The following ARL13B variants were observed in gnomAD, a reference collection of about 807,000 sequenced individuals.
ARL13B encodes ARF like GTPase 13B.
In ARL13B, 36 loss-of-function variants were observed where a neutral mutation model predicts 56.1. The observed-to-expected ratio is 0.64, with a 90% CI of 0.49 to 0.85. ARL13B has a LOEUF of 0.85. Among genes scored for constraint, ARL13B ranks in the 40% least tolerant of loss-of-function variants. ARL13B has a pLI of 0.00. For missense variants in ARL13B, 519 were observed against 507.1 expected, an observed-to-expected ratio of 1.02 and a Z score of -0.23; for synonymous variants, 178 against 171.1, an observed-to-expected ratio of 1.04 and a Z score of -0.32.
chr3:94,016,230 G>C (rs1404804169), intron 3 of ARL13B, among the ~76,000 whole-genome samples: 2 of 152,040 alleles, frequency 1.3e-5, no homozygotes, highest in Non-Finnish European at 2.9e-5. Context: ...CATTTTTGAA[G>C]ATAAGAAGAG....
intron 3 of ARL13B, among the ~76,000 whole-genome samples, chr3:94,011,811 A>G (rs772620806): frequency 2.0e-5 from 3 of 152,072 alleles, no homozygotes; most frequent in African/African-American, 7.2e-5. Flanking sequence ...TACTTTTTAT[A>G]GTACCTTATT....
rs750380372 is a variant in ARL13B at position 94,003,924 on chromosome 3, A to G, written c.380+16A>G. 1.9e-6 allele frequency: 3 copies of G among 1,612,944 alleles called. No individual in the cohort carries two copies. The highest frequency in any genetic ancestry group is 1.7e-6 in the Non-Finnish European group (2 of 1,179,466). ...CTATATTGGTGTAAGTAATGTTAGCATCATTGTAAATGTAGGGACGATGGC... is the reference window on the plus strand; with the variant it reads ...CTATATTGGTGTAAGTAATGTTAGCGTCATTGTAAATGTAGGGACGATGGC... On this transcript the variant is annotated intron_variant, in intron 3 of 9. Coordinates refer to ENST00000394222, the MANE Select transcript of ARL13B (RefSeq NM_001174150.2).
chr3:94,009,082 T>TAGAG (rs140930264), intron 3 of ARL13B, among the ~76,000 whole-genome samples: 1 of 127,594 alleles, frequency 7.8e-6, no homozygotes. Flanking sequence ...TAAAGATAGA[T>TAGAG]AGATAGATAG....
At chr3:94,043,315 T>TC in intron 7 of ARL13B, 75 bp downstream of exon 7, 1 of 1,337,208 alleles carries the variant, frequency 7.5e-7, no homozygotes, top group Non-Finnish European at 1.0e-6. Flanking sequence ...TCATTTTTTA[T>TC]GTTTGTTTTT....
chr3:94,047,754 C>T (rs2077005128), intron 7 of ARL13B: 1 of 152,066 alleles, frequency 6.6e-6, no homozygotes, highest in South Asian at 2.1e-4. Context: ...CCCTAAAGTA[C>T]CATTTGGTGG....
intron 2 of ARL13B, among the ~76,000 whole-genome samples, chr3:94,000,912 T>A (rs2076044772): frequency 6.6e-6 from 1 of 152,118 alleles, no homozygotes; most frequent in East Asian, 1.9e-4. Context: ...CCTAAATACA[T>A]GTACGAGGAT....
chr3:94,013,134 T>C (rs2076254379), intron 3 of ARL13B, among the ~76,000 whole-genome samples: 1 of 152,168 alleles, frequency 6.6e-6, no homozygotes. Flanking sequence ...GTCTTTGTAC[T>C]ATTTGTTTCC....
intron 1 of ARL13B, among the ~76,000 whole-genome samples, chr3:93,985,351 G>T (rs1317235992): frequency 1.3e-5 from 2 of 152,118 alleles, no homozygotes; most frequent in Non-Finnish European, 2.9e-5. Context: ...TAGCATCTAG[G>T]TGATGAAATA....
At chr3:94,050,034 C>T (rs557209878) in intron 8 of ARL13B, among the ~76,000 whole-genome samples, 2 of 150,590 alleles carry the variant, frequency 1.3e-5, no homozygotes, top group East Asian at 3.9e-4. Flanking sequence ...CGTAGTAGCA[C>T]ATGCCTGTAA....
intron 7 of ARL13B, among the ~76,000 whole-genome samples, chr3:94,045,355 C>T (rs1361341619): frequency 2.6e-5 from 4 of 151,422 alleles, no homozygotes; most frequent in South Asian, 2.1e-4. Context: ...CCTTTGTTCA[C>T]GTGTTTATCT....
At chr3:93,990,046 C>T (rs2075842036) in intron 1 of ARL13B, among the ~76,000 whole-genome samples, 2 of 152,054 alleles carry the variant, frequency 1.3e-5, no homozygotes, top group Admixed American at 1.3e-4. Context: ...CCTCTGTCGC[C>T]CAGGCTGGAG....
intron 3 of ARL13B, among the ~76,000 whole-genome samples, chr3:94,026,476 T>C (rs911507548): frequency 6.6e-6 from 1 of 152,226 alleles, no homozygotes; most frequent in African/African-American, 2.4e-5. Flanking sequence ...TATGTTTATA[T>C]GCTGTATATA....
At chr3:94,044,651 C>A (rs1281994620) in intron 7 of ARL13B, among the ~76,000 whole-genome samples, 2 of 148,400 alleles carry the variant, frequency 1.3e-5, no homozygotes, top group Non-Finnish European at 3.0e-5. Flanking sequence ...TGCCCGGCTG[C>A]CCCATCGGGT....
intron 7 of ARL13B, among the ~76,000 whole-genome samples, chr3:94,048,579 T>C (rs2077018871): frequency 6.6e-6 from 1 of 152,134 alleles, no homozygotes; most frequent in African/African-American, 2.4e-5. Context: ...TTTATTTGTT[T>C]ATTTACTTAT....
At chr3:94,009,098 TAG>T (rs1285142110) in intron 3 of ARL13B, among the ~76,000 whole-genome samples, 1 of 151,622 alleles carries the variant, frequency 6.6e-6, no homozygotes, top group Non-Finnish European at 1.5e-5. Context: ...GATAGATAGA[TAG>T]ATAGATAGAT....
chr3:94,035,276 A>G, intron 3 of ARL13B, 55 bp from the exon 4 acceptor site: 1 of 1,158,322 alleles, frequency 8.6e-7, no homozygotes, highest in South Asian at 1.3e-5. Context: ...AAATATCTTT[A>G]AGTTTCCATC....
At chr3:93,999,761 G>A (rs1404330618) in intron 2 of ARL13B, among the ~76,000 whole-genome samples, 1 of 152,108 alleles carries the variant, frequency 6.6e-6, no homozygotes, top group Non-Finnish European at 1.5e-5. Context: ...CTTCATGGTT[G>A]TCAGTAATTG....
chr3:93,980,352 C>G lies in ARL13B; in HGVS notation c.-72C>G, dbSNP rs1301796846. The G allele has an allele frequency of 6.3e-7, 1 of 1,584,240 alleles. No individual in the cohort carries two copies. The highest frequency in any genetic ancestry group is 1.1e-5 in the South Asian group (1 of 90,702). ...TAGGGGCGTCTCGGAGTGCCGGAGG[C>G]CCCCGGGGAAGAGCGGGGTGCCGGT... On this transcript the variant is annotated 5_prime_UTR_variant, in exon 1 of 10. Transcript: ENST00000394222.
At chr3:94,000,944 G>A (rs2076045749) in intron 2 of ARL13B, among the ~76,000 whole-genome samples, 1 of 152,020 alleles carries the variant, frequency 6.6e-6, no homozygotes, top group South Asian at 2.1e-4. Context: ...TACATGAAAG[G>A]AAAAAAGAAA....
Sources: allele counts gnomAD v4.1 joint callset (sites outside exome capture counted in the v4.1 genomes callset), GRCh38; gene constraint gnomAD v4.1.1; transcripts MANE v1.5; gene names NCBI Gene and HGNC (gene_info 2026-07-23, HGNC 2026-07-21).